NEK6: variants seen among roughly 807,000 people sequenced by gnomAD.
NEK6 encodes the protein serine/threonine-protein kinase Nek6.
In NEK6, 27 loss-of-function variants were observed where a neutral mutation model predicts 43.5. The ratio of observed to expected loss-of-function variants is 0.62; its 90% confidence interval spans 0.46 to 0.86. The LOEUF (loss-of-function observed/expected upper bound fraction) is 0.86. Among genes scored for constraint, NEK6 ranks in the 40% least tolerant of loss-of-function variants. The pLI is 0.00. For synonymous variants in NEK6, 167 were observed against 164.1 expected (o/e 1.02, Z -0.14); for missense variants, 318 against 414.4 (o/e 0.77, Z 2.02).
At chr9:124,304,340 C>T (rs750492067) in intron 2 of NEK6, among the ~76,000 whole-genome samples, 1 of 152,238 alleles carries the variant, frequency 6.6e-6, no homozygotes, top group African/African-American at 2.4e-5. Flanking sequence ...TTCCCTGAAA[C>T]CATCCTCAGA....
intron 1 of NEK6, among the ~76,000 whole-genome samples, chr9:124,289,165 A>ACC (rs1163903848): frequency 2.9e-5 from 1 of 34,306 alleles, no homozygotes; most frequent in African/African-American, 1.7e-4. Context: ...CTTTGATTGG[A>ACC]CACCCCCCCC....
intron 1 of NEK6, among the ~76,000 whole-genome samples, chr9:124,290,028 G>A (rs1023097148): frequency 1.3e-5 from 2 of 152,370 alleles, no homozygotes; most frequent in East Asian, 1.9e-4. Context: ...TAAGGAGAGC[G>A]ACACAGGAAG....
chr9:124,280,270 TTTCCTGGC>T (rs1831837987), intron 1 of NEK6, among the ~76,000 whole-genome samples: 1 of 152,204 alleles, frequency 6.6e-6, no homozygotes, highest in Non-Finnish European at 1.5e-5. Context: ...AAAGAGTGTG[TTTCCTGGC>T]TTCCTGAGAA....
intron 2 of NEK6, among the ~76,000 whole-genome samples, chr9:124,310,308 G>T (rs530504947): frequency 6.6e-6 from 1 of 152,392 alleles, no homozygotes; most frequent in African/African-American, 2.4e-5. Context: ...ACAGAGCCCA[G>T]CATGCAGTAG....
At position 124,270,888 on chromosome 9, in the gene NEK6, C is replaced by A. The variant is rs556809252; in HGVS notation, c.-30+12803C>A. 2.8e-4 allele frequency among the ~76,000 whole-genome samples: 42 copies of A among 152,364 alleles called. No homozygotes were observed. In the South Asian group the frequency reaches 8.5e-3, roughly 31 times the overall value. On this transcript the variant is annotated intron_variant, in intron 1 of 9. Coordinates refer to ENST00000320246, the MANE Select transcript of NEK6 (RefSeq NM_014397.6). ...AGTGAAAGCACAGCATGAAGCCCTA[C>A]GCTTGGGGCTCCCTTCTTAGGGCAG...
chr9:124,346,134 T>C (rs1025530687), intron 8 of NEK6, among the ~76,000 whole-genome samples: 1 of 152,188 alleles, frequency 6.6e-6, no homozygotes, highest in African/African-American at 2.4e-5. Flanking sequence ...CTGAAGGCAC[T>C]TGGCCTGGCC....
At chr9:124,344,527 G>A (rs562150329) in intron 8 of NEK6, among the ~76,000 whole-genome samples, 1 of 152,368 alleles carries the variant, frequency 6.6e-6, no homozygotes, top group African/African-American at 2.4e-5. Flanking sequence ...AGTGAATCAT[G>A]ACTCGCAGGC....
At chr9:124,300,008 C>T (rs1832874745) in intron 1 of NEK6, 1 of 152,234 alleles carries the variant, frequency 6.6e-6, no homozygotes. Context: ...CAGGTTTACC[C>T]CAGAACAGTC....
chr9:124,265,123 G>A (rs1002786508), intron 1 of NEK6, among the ~76,000 whole-genome samples: 4 of 152,196 alleles, frequency 2.6e-5, no homozygotes, highest in Non-Finnish European at 5.9e-5. Context: ...TGACGCAGAC[G>A]TTTTGGAACC....
At chr9:124,346,441 G>C (rs1829929150) in intron 8 of NEK6, among the ~76,000 whole-genome samples, 1 of 152,188 alleles carries the variant, frequency 6.6e-6, no homozygotes, top group Non-Finnish European at 1.5e-5. Flanking sequence ...CGGTTCCCCA[G>C]GTATCCCAGG....
chr9:124,336,917 G>A (rs1156880669), intron 7 of NEK6, among the ~76,000 whole-genome samples: 2 of 151,532 alleles, frequency 1.3e-5, no homozygotes, highest in Non-Finnish European at 2.9e-5. Context: ...GCTGAGGCAT[G>A]AGATTCACTT....
At chr9:124,300,669 T>C (rs181182178) in intron 1 of NEK6, among the ~76,000 whole-genome samples, 14 of 152,252 alleles carry the variant, frequency 9.2e-5, no homozygotes, top group Admixed American at 8.5e-4. Context: ...CAGAGGTTCC[T>C]TCTCAGACAA....
At chr9:124,330,377 C>T (rs1036878593) in intron 7 of NEK6, among the ~76,000 whole-genome samples, 41 of 152,360 alleles carry the variant, frequency 2.7e-4, no homozygotes, top group Admixed American at 7.2e-4. Context: ...GCAAGTGTCT[C>T]GCTCCGAGCA....
chr9:124,323,340 C>T (rs1486605320), intron 5 of NEK6, among the ~76,000 whole-genome samples: 1 of 152,196 alleles, frequency 6.6e-6, no homozygotes, highest in South Asian at 2.1e-4. Flanking sequence ...ATGGAGACCA[C>T]CGGATCACGT....
chr9:124,270,988 A>C (rs1588440883), intron 1 of NEK6, among the ~76,000 whole-genome samples: 1 of 152,198 alleles, frequency 6.6e-6, no homozygotes, highest in Admixed American at 6.5e-5. Context: ...CACACAGAGC[A>C]AGGGCCTTAT....
At chr9:124,347,050 C>T (rs983546197) in intron 8 of NEK6, among the ~76,000 whole-genome samples, 3 of 152,190 alleles carry the variant, frequency 2.0e-5, no homozygotes, top group Admixed American at 6.5e-5. Flanking sequence ...GGCTGTGGAG[C>T]CAGGCGCTTC....
chr9:124,326,942 C>T lies in NEK6; in HGVS notation c.515-396C>T, dbSNP rs1834370286. Among the ~76,000 whole-genome samples, 1 of 152,140 alleles carries T rather than the reference C, an allele frequency of 6.6e-6. No homozygotes were observed. Among genetic ancestry groups the T allele is most frequent in the South Asian group, 2.1e-4 (1 of 4,822 alleles). On this transcript the variant is annotated intron_variant, in intron 6 of 9. Transcript: ENST00000320246. This position sits in a 1 kb window ranked among gnomAD's most constrained non-coding sequence, Gnocchi z 4.5. The stretch of plus-strand genomic sequence containing the variant: ...CTTGGTGTCTGCTGTATTGGAGGCC[C>T]CGCCCTCACTGGGGGGTACGGCACT...
Position 124,284,018 on chromosome 9 carries a change from C to T in NEK6, c.-29-17918C>T, listed in dbSNP as rs112031767. ...TAATGGAATGTCTGGAGGCATGTGA[C>T]GCCTCTGCTGTGTGGCTTGGTTTCC... On this transcript the variant is annotated intron_variant, in intron 1 of 9. Transcript: ENST00000320246. 7.6e-3 allele frequency among the ~76,000 whole-genome samples: 1,163 copies of T among 152,328 alleles called. 14 individuals carry two copies. The highest frequency in any genetic ancestry group is 0.027 in the African/African-American group (1,108 of 41,582).
upstream of NEK6, chr9:124,257,745 C>T: frequency 3.9e-6 from 6 of 1,522,008 alleles, no homozygotes; most frequent in Non-Finnish European, 5.3e-6. Flanking sequence ...TCAGTCTTCC[C>T]ATCTCTGAAA....
Sources: allele counts gnomAD v4.1 joint callset (sites outside exome capture counted in the v4.1 genomes callset), GRCh38; gene constraint gnomAD v4.1.1; non-coding constraint Gnocchi (gnomAD v3.1); transcripts MANE v1.5; gene names NCBI Gene and HGNC (gene_info 2026-07-23, HGNC 2026-07-21).